DPP10: variants seen among roughly 807,000 people sequenced by gnomAD.
DPP10 encodes the protein inactive dipeptidyl peptidase 10.
Under a neutral mutation model 120.9 loss-of-function variants are expected in DPP10, and 33 were observed. The ratio of observed to expected loss-of-function variants is 0.27; its 90% CI spans 0.21 to 0.37. The LOEUF (loss-of-function observed/expected upper bound fraction) is 0.37, where lower values mean the gene tolerates loss of function less well. Among genes scored for constraint, DPP10 ranks in the 10% least tolerant of loss-of-function variants. The probability of loss-of-function intolerance (pLI) is 1.00; values close to 1 mark genes in which losing one functional copy is unlikely to be tolerated. For synonymous variants in DPP10, 337 were observed against 326.1 expected, an observed-to-expected ratio of 1.03 and a Z score of -0.36; for missense variants, 816 against 942.8, an observed-to-expected ratio of 0.87 and a Z score of 1.76.
intron 1 of DPP10, among the ~76,000 whole-genome samples, chr2:115,298,130 G>A (rs992451992): frequency 6.6e-6 from 1 of 152,078 alleles, no homozygotes; most frequent in Non-Finnish European, 1.5e-5. Flanking sequence ...TACTTAGTAT[G>A]TGCTTTACTA....
At chr2:114,627,455 T>C (rs1694600994) in intron 1 of DPP10, among the ~76,000 whole-genome samples, 1 of 152,168 alleles carries the variant, frequency 6.6e-6, no homozygotes, top group Admixed American at 6.6e-5. Flanking sequence ...TAAATCTTCC[T>C]GCAGATCTAG....
intron 1 of DPP10, among the ~76,000 whole-genome samples, chr2:114,631,214 CAG>C (rs1423921071): frequency 1.3e-5 from 2 of 152,028 alleles, no homozygotes; most frequent in East Asian, 1.9e-4. Flanking sequence ...GGCTGCTGAG[CAG>C]AGAGTGAGGA....
chr2:114,447,440 A>G (rs894682074), intron 1 of DPP10, among the ~76,000 whole-genome samples: 2 of 152,190 alleles, frequency 1.3e-5, no homozygotes, highest in Non-Finnish European at 2.9e-5. Context: ...AAAATTTAGA[A>G]ATGCAAGGAA....
At chr2:115,149,954 A>C (rs2051443273) in intron 1 of DPP10, among the ~76,000 whole-genome samples, 1 of 152,198 alleles carries the variant, frequency 6.6e-6, no homozygotes, top group Non-Finnish European at 1.5e-5. Context: ...AGCAGGTGCA[A>C]GTGGATGTGC....
chr2:114,952,958 G>A (rs1697906185), intron 1 of DPP10, among the ~76,000 whole-genome samples: 1 of 150,980 alleles, frequency 6.6e-6, no homozygotes, highest in Admixed American at 6.6e-5. Flanking sequence ...CTGCAAGTGT[G>A]TAAGGCCAAA....
chr2:115,454,645 T>G (rs1412891125), intron 3 of DPP10, among the ~76,000 whole-genome samples: 2 of 151,842 alleles, frequency 1.3e-5, no homozygotes, highest in Non-Finnish European at 2.9e-5. Context: ...AATTTAATAT[T>G]TCTATTAAAA....
At chr2:114,989,645 A>G (rs1700639591) in intron 1 of DPP10, among the ~76,000 whole-genome samples, 1 of 152,252 alleles carries the variant, frequency 6.6e-6, no homozygotes, top group African/African-American at 2.4e-5. Flanking sequence ...GGGTCAGAAC[A>G]AAGATAACTG....
intron 5 of DPP10, among the ~76,000 whole-genome samples, chr2:115,645,595 C>T (rs186703161): frequency 6.9e-4 from 105 of 152,150 alleles, no homozygotes; most frequent in East Asian, 3.9e-4. Flanking sequence ...TGAAACTCCC[C>T]CTTACTAAGC....
chr2:115,023,810 C>G (rs1703252590), intron 1 of DPP10, among the ~76,000 whole-genome samples: 1 of 152,036 alleles, frequency 6.6e-6, no homozygotes, highest in Admixed American at 6.6e-5. Context: ...ACATATATCC[C>G]AGGGGATAAC....
chr2:115,139,724 T>TAAAAAAAAAAAAAAAAAAAAAAAAAAA (rs55826687), intron 1 of DPP10, among the ~76,000 whole-genome samples: 1 of 56,620 alleles, frequency 1.8e-5, no homozygotes, highest in African/African-American at 7.2e-5. Flanking sequence ...GTAAAAATAC[T>TAAAAAAAAAAAAAAAAAAAAAAAAAAA]AAAAAAAAAA....
chr2:114,912,373 G>T (rs946603112), intron 1 of DPP10, among the ~76,000 whole-genome samples: 2 of 152,086 alleles, frequency 1.3e-5, no homozygotes, highest in African/African-American at 4.8e-5. Context: ...AAGAATCAGA[G>T]CAAAGAATAT....
At chr2:115,190,917 C>A (rs2054833896) in intron 1 of DPP10, among the ~76,000 whole-genome samples, 1 of 152,126 alleles carries the variant, frequency 6.6e-6, no homozygotes, top group Non-Finnish European at 1.5e-5. Context: ...TTTTTAACCT[C>A]TACAGAAACT....
At chr2:114,698,687 G>C (rs1213308803) in intron 1 of DPP10, among the ~76,000 whole-genome samples, 1 of 152,040 alleles carries the variant, frequency 6.6e-6, no homozygotes. Context: ...GCAAGTGAAA[G>C]TTTGGAGAGT....
chr2:114,597,701 T>C (rs1692030968), intron 1 of DPP10, among the ~76,000 whole-genome samples: 1 of 151,964 alleles, frequency 6.6e-6, no homozygotes, highest in African/African-American at 2.4e-5. Context: ...CTCCTGCCCT[T>C]TCAAGGTAGA....
chr2:115,418,429 CTGTT>C (rs1300934070), intron 3 of DPP10, among the ~76,000 whole-genome samples: 2 of 151,940 alleles, frequency 1.3e-5, no homozygotes, highest in Admixed American at 1.3e-4. Flanking sequence ...GAGAGAGAGA[CTGTT>C]TTAAAAAATG....
intron 5 of DPP10, among the ~76,000 whole-genome samples, chr2:115,530,731 G>A (rs1289347386): frequency 6.6e-6 from 1 of 151,954 alleles, no homozygotes; most frequent in African/African-American, 2.4e-5. Flanking sequence ...AAGGCAAGCA[G>A]TCATTCTCAC....
intron 3 of DPP10, among the ~76,000 whole-genome samples, chr2:115,495,179 T>G (rs886638111): frequency 1.3e-5 from 2 of 151,798 alleles, no homozygotes; most frequent in Non-Finnish European, 2.9e-5. Context: ...AAATCTAGGT[T>G]TGAGTAGATA....
At chr2:115,343,712 A>C (rs760288424) in intron 2 of DPP10, 105 bp from the exon 3 acceptor site, 7 of 655,690 alleles carry the variant, frequency 1.1e-5, no homozygotes, top group African/African-American at 1.9e-5. Flanking sequence ...TTATATTGTT[A>C]TGTAGTTAAT....
chr2:115,791,422 A>G, intron 19 of DPP10, 66 bp downstream of exon 19: 2 of 1,379,870 alleles, frequency 1.4e-6, no homozygotes, highest in Non-Finnish European at 2.0e-6. Flanking sequence ...GTCTCACATG[A>G]CAACATTTGA....
Sources: allele counts gnomAD v4.1 joint callset (sites outside exome capture counted in the v4.1 genomes callset), GRCh38; gene constraint gnomAD v4.1.1; transcripts MANE v1.5; gene names NCBI Gene and HGNC (gene_info 2026-07-23, HGNC 2026-07-21).